Variants in GPC6 observed in about 807,000 individuals in gnomAD.
GPC6 encodes the protein glypican-6.
GPC6 carries 14 observed loss-of-function variants against 55.2 expected under a neutral mutation model. The ratio of observed to expected loss-of-function variants is 0.25; its 90% CI spans 0.17 to 0.40. The LOEUF is 0.40. Among genes scored for constraint, GPC6 ranks in the 10% least tolerant of loss-of-function variants. The pLI is 1.00. For missense variants in GPC6, 641 were observed against 708.5 expected (o/e 0.90, Z 1.08); for synonymous variants, 278 against 259.6 (o/e 1.07, Z -0.68).
At chr13:93,661,529 C>G (rs1880919782) in intron 2 of GPC6, among the ~76,000 whole-genome samples, 1 of 152,108 alleles carries the variant, frequency 6.6e-6, no homozygotes, top group Non-Finnish European at 1.5e-5. Context: ...TTTATCAACT[C>G]TCTTTGAAAC....
intron 4 of GPC6, among the ~76,000 whole-genome samples, chr13:94,247,443 C>T (rs1363481287): frequency 6.6e-6 from 1 of 152,064 alleles, no homozygotes; most frequent in Non-Finnish European, 1.5e-5. Flanking sequence ...AGAGGAAAGG[C>T]TTTCAGTTTC....
At chr13:93,589,008 A>G (rs1877339641) in intron 2 of GPC6, among the ~76,000 whole-genome samples, 1 of 152,160 alleles carries the variant, frequency 6.6e-6, no homozygotes. Flanking sequence ...ACATTAAGAT[A>G]CTATAGCTCC....
intron 2 of GPC6, among the ~76,000 whole-genome samples, chr13:93,786,909 C>T (rs920525331): frequency 2.6e-5 from 4 of 152,286 alleles, no homozygotes; most frequent in Admixed American, 2.6e-4. Context: ...TCTGCATCTC[C>T]TCAGATTTTT....
chr13:93,663,626 AATTGT>A (rs1457826599), intron 2 of GPC6, among the ~76,000 whole-genome samples: 10 of 152,134 alleles, frequency 6.6e-5, no homozygotes, highest in Non-Finnish European at 1.5e-5. Flanking sequence ...GTTAATGTAA[AATTGT>A]ATTGTACCTT....
intron 2 of GPC6, among the ~76,000 whole-genome samples, chr13:93,802,520 C>T (rs1279343535): frequency 5.3e-5 from 8 of 152,042 alleles, no homozygotes; most frequent in African/African-American, 1.7e-4. Flanking sequence ...ACCTCAGCCT[C>T]CCAAGTAGCT....
intron 1 of GPC6, among the ~76,000 whole-genome samples, chr13:93,337,555 G>A (rs1594104430): frequency 1.3e-5 from 2 of 151,900 alleles, no homozygotes; most frequent in Admixed American, 1.3e-4. Context: ...ATTTGTCTAA[G>A]GCCATATAGA....
chr13:93,934,093 T>G (rs1162141863), intron 3 of GPC6, among the ~76,000 whole-genome samples: 1 of 152,190 alleles, frequency 6.6e-6, no homozygotes, highest in Non-Finnish European at 1.5e-5. Context: ...AGTCACTAGT[T>G]TCGCCATGGT....
intron 4 of GPC6, among the ~76,000 whole-genome samples, chr13:94,280,041 T>A (rs1207441269): frequency 6.6e-6 from 1 of 152,134 alleles, no homozygotes; most frequent in Non-Finnish European, 1.5e-5. Flanking sequence ...TTGACTGGGG[T>A]GTTAAAGTCT....
At chr13:93,470,920 C>G (rs960085250) in intron 1 of GPC6, among the ~76,000 whole-genome samples, 1 of 151,968 alleles carries the variant, frequency 6.6e-6, no homozygotes, top group Non-Finnish European at 1.5e-5. Context: ...GATTTATGTT[C>G]ATAGAGTTGT....
At position 94,081,616 on chromosome 13, in the gene GPC6, C is replaced by T. The variant is rs530572386; in HGVS notation, c.877+53722C>T. ...TGCAAGCAGGAGTTCTACAAAAGCACTCCATATGTAGGCAAAGTTGACATT... is the reference window on the plus strand; with the variant it reads ...TGCAAGCAGGAGTTCTACAAAAGCATTCCATATGTAGGCAAAGTTGACATT... On this transcript the variant is annotated intron_variant, in intron 4 of 8. Coordinates refer to ENST00000377047, the MANE Select transcript of GPC6 (RefSeq NM_005708.5). Among the ~76,000 whole-genome samples the T allele has an allele frequency of 2.0e-5, 3 of 152,254 alleles. No individual in the cohort carries two copies. In the East Asian group the frequency reaches 5.8e-4, roughly 29 times the overall value.
intron 1 of GPC6, among the ~76,000 whole-genome samples, chr13:93,360,377 T>G (rs1221799232): frequency 2.6e-5 from 4 of 152,062 alleles, no homozygotes; most frequent in African/African-American, 9.7e-5. Context: ...CTGAGAGATG[T>G]CCAGGGCGTG....
chr13:94,023,892 G>A, intron 3 of GPC6, among the ~76,000 whole-genome samples: 1 of 152,122 alleles, frequency 6.6e-6, no homozygotes, highest in Middle Eastern at 3.4e-3. Context: ...GTTACTTATT[G>A]TATGGTTTTA....
chr13:93,684,350 T>G (rs1358544026), intron 2 of GPC6, among the ~76,000 whole-genome samples: 2 of 152,068 alleles, frequency 1.3e-5, no homozygotes, highest in African/African-American at 4.8e-5. Context: ...TACGCCCGGC[T>G]AATTTTTCTG....
At chr13:93,881,016 G>A (rs111848919) in intron 3 of GPC6, among the ~76,000 whole-genome samples, 2,095 of 152,068 alleles carry the variant, frequency 0.014, 43 homozygotes, top group African/African-American at 0.048. Flanking sequence ...TCAATTCTTG[G>A]TATAACAAGC....
chr13:93,921,697 T>C (rs1877583469), intron 3 of GPC6, among the ~76,000 whole-genome samples: 1 of 151,514 alleles, frequency 6.6e-6, no homozygotes, highest in African/African-American at 2.4e-5. Flanking sequence ...TTGGGGTTTA[T>C]ATGGGTACAG....
chr13:93,591,209 A>G (rs1338302280), intron 2 of GPC6, among the ~76,000 whole-genome samples: 3 of 151,674 alleles, frequency 2.0e-5, no homozygotes, highest in African/African-American at 7.3e-5. Context: ...CATGTCTGTA[A>G]TCCCAGCACT....
chr13:94,053,230 G>A (rs1194268450), intron 4 of GPC6, among the ~76,000 whole-genome samples: 2 of 152,084 alleles, frequency 1.3e-5, no homozygotes, highest in Non-Finnish European at 2.9e-5. Flanking sequence ...GATGAAAGTA[G>A]CGTGTTTTTC....
intron 4 of GPC6, among the ~76,000 whole-genome samples, chr13:94,275,918 G>A (rs573410979): frequency 1.3e-5 from 2 of 152,212 alleles, no homozygotes; most frequent in South Asian, 2.1e-4. Context: ...AGATCCAAAC[G>A]TTTGATCTTA....
intron 1 of GPC6, among the ~76,000 whole-genome samples, chr13:93,335,227 C>T (rs867681933): frequency 2.6e-5 from 4 of 152,172 alleles, no homozygotes; most frequent in South Asian, 2.1e-4. Context: ...ATACCTGTTA[C>T]GTTATAGAAT....
Sources: allele counts gnomAD v4.1 joint callset (sites outside exome capture counted in the v4.1 genomes callset), GRCh38; gene constraint gnomAD v4.1.1; transcripts MANE v1.5; gene names NCBI Gene and HGNC (gene_info 2026-07-23, HGNC 2026-07-21).